The following MPP7 variants were observed in gnomAD, a reference collection of about 807,000 sequenced individuals.
MPP7 encodes MAGUK p55 subfamily member 7.
In MPP7, 60 loss-of-function variants were observed where a neutral mutation model predicts 76.5. The ratio of observed to expected loss-of-function variants is 0.78; its 90% CI spans 0.64 to 0.97. The LOEUF is 0.97. Among genes scored for constraint, MPP7 ranks in the 50% least tolerant of loss-of-function variants. The pLI is 0.00. For synonymous variants in MPP7, 237 were observed against 244.5 expected (o/e 0.97, Z 0.29); for missense variants, 641 against 694.0 (o/e 0.92, Z 0.86).
chr10:28,167,550 G>C (rs1423455520), intron 3 of MPP7, among the ~76,000 whole-genome samples: 3 of 152,094 alleles, frequency 2.0e-5, no homozygotes, highest in Non-Finnish European at 4.4e-5. Flanking sequence ...CGGCTCAACA[G>C]AAGTCCAAGC....
At chr10:28,307,371 AT>A (rs1431910021), upstream of MPP7, among the ~76,000 whole-genome samples, 2 of 152,108 alleles carry the variant, frequency 1.3e-5, no homozygotes, top group Non-Finnish European at 2.9e-5. Context: ...CTGTTTCCCT[AT>A]CTGAAGTGTA....
intron 1 of MPP7, among the ~76,000 whole-genome samples, chr10:28,270,103 G>C (rs1187168984): frequency 6.6e-6 from 1 of 152,220 alleles, no homozygotes; most frequent in Non-Finnish European, 1.5e-5. Flanking sequence ...TGACTTGTAG[G>C]CTGGTAAATG....
chr10:28,161,153 G>A (rs778474920), intron 3 of MPP7, among the ~76,000 whole-genome samples: 8 of 152,034 alleles, frequency 5.3e-5, no homozygotes, highest in Non-Finnish European at 8.8e-5. Flanking sequence ...TTTCAAAATC[G>A]TCCTTTCACA....
At chr10:28,100,397 A>G (rs1283825782) in intron 11 of MPP7, among the ~76,000 whole-genome samples, 1 of 152,140 alleles carries the variant, frequency 6.6e-6, no homozygotes, top group East Asian at 1.9e-4. Flanking sequence ...AGTAACAAAC[A>G]AGTAAAAATC....
chr10:28,220,311 A>C (rs555101283), intron 2 of MPP7, among the ~76,000 whole-genome samples: 23 of 152,190 alleles, frequency 1.5e-4, no homozygotes, highest in Non-Finnish European at 3.1e-4. Context: ...CACCCAAAAA[A>C]TAAAGCCATA....
chr10:28,284,486 A>G (rs1840750779), intron 1 of MPP7, among the ~76,000 whole-genome samples: 1 of 152,204 alleles, frequency 6.6e-6, no homozygotes, highest in African/African-American at 2.4e-5. Flanking sequence ...AAGACTGAAG[A>G]AAGTTGCCTT....
At chr10:28,099,729 C>G (rs1853730276) in intron 11 of MPP7, among the ~76,000 whole-genome samples, 1 of 152,088 alleles carries the variant, frequency 6.6e-6, no homozygotes, top group Non-Finnish European at 1.5e-5. Context: ...ATCACTTGAA[C>G]CCAGGAGGCA....
At chr10:28,148,400 C>T (rs908421484) in intron 4 of MPP7, among the ~76,000 whole-genome samples, 2 of 152,092 alleles carry the variant, frequency 1.3e-5, no homozygotes, top group South Asian at 4.1e-4. Flanking sequence ...TTATGAAATA[C>T]GTGGCATATG....
intron 3 of MPP7, among the ~76,000 whole-genome samples, chr10:28,180,776 A>C (rs1837033425): frequency 6.6e-6 from 1 of 152,190 alleles, no homozygotes; most frequent in South Asian, 2.1e-4. Context: ...CACCTGGAAC[A>C]TCAGCAGTCA....
chr10:28,063,642 G>A (rs988972529), intron 13 of MPP7, among the ~76,000 whole-genome samples: 29 of 152,070 alleles, frequency 1.9e-4, no homozygotes, highest in African/African-American at 5.8e-4. Context: ...GATCAGCAGC[G>A]GCATTAGGTG....
At chr10:28,214,391 A>G (rs573459687) in intron 2 of MPP7, among the ~76,000 whole-genome samples, 1 of 152,264 alleles carries the variant, frequency 6.6e-6, no homozygotes, top group South Asian at 2.1e-4. Context: ...GCATGGTAAC[A>G]TGCTTACATC....
intron 1 of MPP7, among the ~76,000 whole-genome samples, chr10:28,296,121 GT>G (rs1220569962): frequency 6.6e-6 from 1 of 152,156 alleles, no homozygotes; most frequent in Admixed American, 6.5e-5. Context: ...CTATAAACCT[GT>G]CTTAAAATGC....
intron 4 of MPP7, 94 bp downstream of exon 4, chr10:28,149,888 T>C (rs1310166908): frequency 2.5e-6 from 2 of 792,670 alleles, no homozygotes; most frequent in East Asian, 2.7e-5. Flanking sequence ...TTTTCACTCA[T>C]AGGATCACAC....
At chr10:28,145,938 T>C (rs1410627297) in intron 5 of MPP7, among the ~76,000 whole-genome samples, 1 of 152,224 alleles carries the variant, frequency 6.6e-6, no homozygotes, top group Admixed American at 6.5e-5. Context: ...TAATATTGCA[T>C]AATTAGCTAT....
At chr10:28,257,675 G>C (rs908142387) in intron 1 of MPP7, among the ~76,000 whole-genome samples, 2 of 150,322 alleles carry the variant, frequency 1.3e-5, no homozygotes, top group African/African-American at 4.9e-5. Flanking sequence ...CAGCGCACCA[G>C]CATGGCACAT....
At chr10:28,142,704 C>T (rs1835561733) in intron 5 of MPP7, among the ~76,000 whole-genome samples, 1 of 152,096 alleles carries the variant, frequency 6.6e-6, no homozygotes, top group South Asian at 2.1e-4. Context: ...GCACGCCAAC[C>T]TGGGTGACAG....
At chr10:28,101,191 CAAGA>C (rs1564630808) in intron 11 of MPP7, among the ~76,000 whole-genome samples, 2 of 152,092 alleles carry the variant, frequency 1.3e-5, no homozygotes, top group Non-Finnish European at 2.9e-5. Context: ...CTTTCATATT[CAAGA>C]AAGAACCTGT....
At chr10:28,083,899 C>T (rs1296237551) in intron 12 of MPP7, among the ~76,000 whole-genome samples, 9 of 152,274 alleles carry the variant, frequency 5.9e-5, no homozygotes. Flanking sequence ...AAAATGTGAT[C>T]TAACATGACA....
At chr10:28,123,586 AGC>A (rs999066990) in intron 8 of MPP7, among the ~76,000 whole-genome samples, 10 of 148,502 alleles carry the variant, frequency 6.7e-5, no homozygotes, top group African/African-American at 2.5e-4. Context: ...CTCCTGCCTC[AGC>A]CTCCCAAGTA....
Sources: gnomAD v4.1 joint callset for allele counts (sites outside exome capture counted in the v4.1 genomes callset) on GRCh38, gnomAD v4.1.1 for gene constraint, MANE v1.5 for transcripts, NCBI Gene and HGNC (gene_info 2026-07-23, HGNC 2026-07-21) for gene names.